The following ZNRF3 variants were observed in gnomAD, a reference collection of about 807,000 sequenced individuals.
ZNRF3 encodes zinc and ring finger 3, also known as E3 ubiquitin-protein ligase ZNRF3.
Under a neutral mutation model 72.5 loss-of-function variants are expected in ZNRF3, and 23 were observed. The ratio of observed to expected loss-of-function variants is 0.32; its 90% CI spans 0.23 to 0.45. The LOEUF (loss-of-function observed/expected upper bound fraction) is 0.45. Among genes scored for constraint, ZNRF3 ranks in the 20% least tolerant of loss-of-function variants. ZNRF3 has a pLI of 1.00. For missense variants in ZNRF3, 1,169 were observed against 1,272.1 expected (o/e 0.92, Z 1.23); for synonymous variants, 610 against 545.3 (o/e 1.12, Z -1.65).
Position 29,053,676 on chromosome 22 carries a change from G to A in ZNRF3, c.*54G>A. On this transcript the variant is annotated 3_prime_UTR_variant, in exon 9 of 9. Coordinates refer to ENST00000544604, the MANE Select transcript of ZNRF3 (RefSeq NM_001206998.2). ...GGGAACTGTATGGAGACTCCAAACT[G>A]ACTTCTTTCAAAAAACAAAAACAAA... 2 of 1,536,640 alleles carry A rather than the reference G, an allele frequency of 1.3e-6. No individual in the cohort carries two copies. The highest frequency in any genetic ancestry group is 2.4e-5 in the South Asian group (2 of 82,544).
At position 28,883,812 on chromosome 22, in the gene ZNRF3, C is replaced by T. The variant is rs1270187892; in HGVS notation, c.46C>T (p.Arg16Cys). 7 of 979,290 alleles carry T rather than the reference C, an allele frequency of 7.1e-6. No individual in the cohort carries two copies. The highest frequency in any genetic ancestry group is 8.5e-6 in the Non-Finnish European group (7 of 827,410). 60.7% of individuals were successfully genotyped at this position (979,290 alleles called of 1,614,324 possible). The change falls in exon 1 of 9, where the codon CGC becomes TGC. Residue 16 changes from arginine (R) to cysteine (C), a missense_variant. Around this residue, in one of 2 missense-constraint regions of ZNRF3, gnomAD observed 386 missense variants for 540.7 expected, o/e 0.71. Coordinates refer to ENST00000544604, the MANE Select transcript of ZNRF3 (RefSeq NM_001206998.2). The surrounding 1 kb of genome is among the most constrained non-coding windows in gnomAD (Gnocchi z 5.5). The stretch of plus-strand genomic sequence containing the variant: ...GCGCCCAGGGGCCACGGGCCGCCGC[C>T]GCCGCCGCCTGCGCCGCCGCCCCCG... ...GGRPGATGRR[R>C]RRLRRRPRGL...
intron 1 of ZNRF3, among the ~76,000 whole-genome samples, chr22:28,922,672 C>G (rs1489701158): frequency 6.6e-6 from 1 of 152,202 alleles, no homozygotes; most frequent in Non-Finnish European, 1.5e-5. Context: ...CCCTCCCAGT[C>G]CCTCTGCGTT....
chr22:28,963,855 G>A (rs2035409788), intron 1 of ZNRF3, among the ~76,000 whole-genome samples: 1 of 152,168 alleles, frequency 6.6e-6, no homozygotes, highest in South Asian at 2.1e-4. Flanking sequence ...TTTCATTAAA[G>A]CCACTCCCTA....
Position 29,050,692 on chromosome 22 carries a change from C to T in ZNRF3, c.2511C>T (p.Asp837=). Residue 837 remains aspartate (D), a synonymous_variant, in exon 8 of 9, where the codon GAC becomes GAT. Transcript: ENST00000544604. ...TCCCCATCATTCCAGAGGATGTGGA[C>T]TGTGATCTGGGCCTGCCCTCGGACT... The part of the protein sequence containing the change: ...QRIPIIPEDV[D]CDLGLPSDCQ... 6.2e-7 allele frequency: 1 copy of T among 1,612,414 alleles called. No individual in the cohort carries two copies.
At chr22:29,046,667 C>G (rs775029744) in intron 5 of ZNRF3, 49 bp from the exon 6 acceptor site, 239 of 1,481,456 alleles carry the variant, frequency 1.6e-4, no homozygotes, top group Non-Finnish European at 2.0e-4. Context: ...GGGTGACTGC[C>G]ACTTTCATAC....
Position 29,049,885 on chromosome 22 carries a change from G to A in ZNRF3, c.1704G>A (p.Val568=). 6.2e-7 allele frequency: 1 copy of A among 1,604,238 alleles called. No homozygotes were observed. Among genetic ancestry groups the A allele is most frequent in the Non-Finnish European group, 8.5e-7 (1 of 1,174,984 alleles). Residue 568 remains valine (V), a synonymous_variant, in exon 8 of 9, where the codon GTG becomes GTA. Coordinates refer to ENST00000544604, the MANE Select transcript of ZNRF3 (RefSeq NM_001206998.2). The surrounding 1 kb of genome is among the most constrained non-coding windows in gnomAD (Gnocchi z 5.2). The part of the protein sequence containing the change: ...GQCHCSSSDS[V]VDCTEVSNQG... ...GCCACTGTTCCTCCAGTGACTCTGTGGTAGACTGCACTGAGGTCAGCAACC... is the reference window on the plus strand; with the variant it reads ...GCCACTGTTCCTCCAGTGACTCTGTAGTAGACTGCACTGAGGTCAGCAACC...
At chr22:28,893,092 G>A (rs190928261) in intron 1 of ZNRF3, among the ~76,000 whole-genome samples, 2 of 151,546 alleles carry the variant, frequency 1.3e-5, no homozygotes, top group Admixed American at 6.6e-5. Context: ...GTGTGAACCC[G>A]GCAGGTGGAG....
chr22:29,028,128 A>G (rs1291330502), intron 2 of ZNRF3, among the ~76,000 whole-genome samples: 3 of 152,242 alleles, frequency 2.0e-5, no homozygotes, highest in African/African-American at 7.2e-5. Context: ...TTTTGAAACA[A>G]CTTAGATCCT....
chr22:29,046,942 G>T (rs1382837360), intron 6 of ZNRF3, 59 bp downstream of exon 6: 2 of 1,415,210 alleles, frequency 1.4e-6, no homozygotes, highest in African/African-American at 2.9e-5. Flanking sequence ...CAGCAGAGGT[G>T]CCCAAGACCT....
At chr22:29,051,231 A>G (rs1031909841) in intron 8 of ZNRF3, among the ~76,000 whole-genome samples, 5 of 152,014 alleles carry the variant, frequency 3.3e-5, no homozygotes, top group Non-Finnish European at 1.5e-5. Flanking sequence ...CCCCATCCGC[A>G]TGCTCACACC....
chr22:28,969,428 A>G (rs980189858), intron 1 of ZNRF3, among the ~76,000 whole-genome samples: 2 of 152,098 alleles, frequency 1.3e-5, no homozygotes, highest in African/African-American at 4.8e-5. Flanking sequence ...AAACTTATAC[A>G]CTGAGCAGAA....
intron 1 of ZNRF3, among the ~76,000 whole-genome samples, chr22:28,937,174 AATATAT>A (rs61520434): frequency 4.1e-3 from 320 of 78,582 alleles, no homozygotes; most frequent in African/African-American, 0.013. Flanking sequence ...TCTCTCTTAT[AATATAT>A]ATATATATAT....
intron 1 of ZNRF3, among the ~76,000 whole-genome samples, chr22:28,910,449 C>T (rs190680773): frequency 6.6e-6 from 1 of 152,336 alleles, no homozygotes; most frequent in Admixed American, 6.5e-5. Flanking sequence ...TGATGGTCCA[C>T]TTTGTTACCG....
Position 28,955,043 on chromosome 22 carries a change from T to TG in ZNRF3, c.301-32033_301-32032insG, listed in dbSNP as rs574914687. ...ATGGTATTTTTGGTGTTTTTTTTTT[T>TG]TTGTTTTTTTTTTTTGAGACAAGGT... On this transcript the variant is annotated intron_variant, in intron 1 of 8. Transcript: ENST00000544604. Among the ~76,000 whole-genome samples, 194 of 148,226 alleles carry TG rather than the reference T, an allele frequency of 1.3e-3. No individual in the cohort carries two copies. In the Middle Eastern group the frequency reaches 0.017, roughly 13 times the overall value.
At chr22:29,005,300 C>G (rs2036221537) in intron 2 of ZNRF3, among the ~76,000 whole-genome samples, 1 of 152,244 alleles carries the variant, frequency 6.6e-6, no homozygotes, top group African/African-American at 2.4e-5. Flanking sequence ...TATTCCTCAG[C>G]AGAGCATGTG....
intron 1 of ZNRF3, among the ~76,000 whole-genome samples, chr22:28,901,876 T>C (rs552735555): frequency 1.3e-5 from 2 of 151,456 alleles, no homozygotes; most frequent in Admixed American, 6.6e-5. Context: ...CGTTTTATGG[T>C]GCAGAAATGG....
At chr22:28,984,131 T>TA (rs147413364) in intron 1 of ZNRF3, among the ~76,000 whole-genome samples, 29 of 150,448 alleles carry the variant, frequency 1.9e-4, no homozygotes, top group South Asian at 8.4e-4. Flanking sequence ...TTTTTTTTTT[T>TA]AAAAAAAACC....
chr22:28,945,032 G>C (rs890055164), intron 1 of ZNRF3, among the ~76,000 whole-genome samples: 3 of 151,282 alleles, frequency 2.0e-5, no homozygotes, highest in Non-Finnish European at 2.9e-5. Flanking sequence ...AAAAGTTTAA[G>C]ATGGGCTGCG....
In ZNRF3 at chr22:29,054,894, C is replaced by T. The variant is rs1341966311; in HGVS notation, c.*1272C>T. The T allele has an allele frequency of 6.5e-6, 1 of 153,150 alleles. No individual in the cohort carries two copies. The highest frequency in any genetic ancestry group is 1.5e-5 in the Non-Finnish European group (1 of 68,176). The allele number at this position is 153,150 out of a possible 1,614,324, so 9.5% of individuals were successfully genotyped here. A position where few individuals can be genotyped will look rare whatever the true frequency, so the allele number is the denominator to read the frequency against. ...GCTTCAGGGTTATTCAGTCCTCTGC[C>T]TCATGGCTGAAATTGCTCATCTCGT... On this transcript the variant is annotated 3_prime_UTR_variant, in exon 9 of 9. Transcript: ENST00000544604.
Sources: gnomAD v4.1 joint callset for allele counts (sites outside exome capture counted in the v4.1 genomes callset) on GRCh38, gnomAD v4.1.1 for gene constraint, gnomAD v4.1.1 regional missense constraint, Gnocchi (gnomAD v3.1) non-coding constraint, MANE v1.5 for transcripts, NCBI Gene and HGNC (gene_info 2026-07-23, HGNC 2026-07-21) for gene names.